Variants in NAALADL2 observed in about 807,000 individuals in gnomAD.
The protein encoded by NAALADL2 is N-acetylated alpha-linked acidic dipeptidase like 2, also known as inactive N-acetylated-alpha-linked acidic dipeptidase-like protein 2.
In NAALADL2, 76 loss-of-function variants were observed where a neutral mutation model predicts 87.2. The observed-to-expected ratio is 0.87, with a 90% CI of 0.72 to 1.05. The LOEUF is 1.05. Among genes scored for constraint, NAALADL2 ranks in the 50% least tolerant of loss-of-function variants. The pLI is 0.00. For missense variants in NAALADL2, 1,089 were observed against 945.8 expected (o/e 1.15, Z -1.99); for synonymous variants, 354 against 331.0 (o/e 1.07, Z -0.75).
At chr3:174,616,994 T>A (rs9865936) in intron 2 of NAALADL2, among the ~76,000 whole-genome samples, 67,696 of 151,416 alleles carry the variant, frequency 0.45, 15,876 homozygotes, top group East Asian at 0.81. Context: ...TTGGTCTTAA[T>A]ACCAAGGTTA....
chr3:174,759,730 T>TG (rs1423755302), intron 3 of NAALADL2, among the ~76,000 whole-genome samples: 1 of 151,904 alleles, frequency 6.6e-6, no homozygotes, highest in Non-Finnish European at 1.5e-5. Flanking sequence ...GATGGAGTCT[T>TG]GCTCTTGTTG....
chr3:174,634,892 G>T (rs531892236), intron 2 of NAALADL2, among the ~76,000 whole-genome samples: 93 of 152,210 alleles, frequency 6.1e-4, no homozygotes, highest in Non-Finnish European at 1.2e-3. Context: ...AGTTGTTATA[G>T]ATGTAAGCAG....
At chr3:174,449,323 G>T (rs1441140302) in intron 1 of NAALADL2, among the ~76,000 whole-genome samples, 1 of 151,814 alleles carries the variant, frequency 6.6e-6, no homozygotes, top group East Asian at 1.9e-4. Context: ...AGAATTGGAG[G>T]AAGAAAAAAC....
intron 10 of NAALADL2, among the ~76,000 whole-genome samples, chr3:175,604,122 C>G (rs1048070725): frequency 2.2e-4 from 33 of 152,114 alleles, no homozygotes; most frequent in African/African-American, 8.0e-4. Context: ...AACTTCCATA[C>G]TATTTTTAAT....
In NAALADL2 at chr3:175,639,567, A is replaced by G. The variant is rs570902963; in HGVS notation, c.1896+12181A>G. On this transcript the variant is annotated intron_variant, in intron 11 of 13. Coordinates refer to ENST00000454872, the MANE Select transcript of NAALADL2 (RefSeq NM_207015.3). ...GATCTCCTGACCTCGTGATCCGCCC[A>G]CCTCGGCCTCCCAAAGTGCTGGGAT... is the stretch of plus-strand genomic sequence containing the variant. 1.4e-4 allele frequency among the ~76,000 whole-genome samples: 21 copies of G among 151,948 alleles called. No homozygotes were observed. In the South Asian group the frequency reaches 2.1e-3, roughly 15 times the overall value.
At chr3:174,949,721 G>A (rs1740031390) in intron 1 of NAALADL2, among the ~76,000 whole-genome samples, 1 of 152,136 alleles carries the variant, frequency 6.6e-6, no homozygotes, top group Non-Finnish European at 1.5e-5. Context: ...TCAGTGTTCT[G>A]TCCTTTTAGG....
chr3:174,896,980 A>G (rs1241372633), intron 1 of NAALADL2, among the ~76,000 whole-genome samples: 1 of 152,164 alleles, frequency 6.6e-6, no homozygotes, highest in Non-Finnish European at 1.5e-5. Context: ...TATGCAAACA[A>G]ATGAAACTGT....
chr3:175,349,219 A>AAAG (rs1185493157), intron 5 of NAALADL2, among the ~76,000 whole-genome samples: 1 of 151,778 alleles, frequency 6.6e-6, no homozygotes. Context: ...AAAAAAAAAA[A>AAAG]AAAAGATGTC....
At chr3:175,577,810 T>C (rs966635970) in intron 10 of NAALADL2, among the ~76,000 whole-genome samples, 1 of 152,218 alleles carries the variant, frequency 6.6e-6, no homozygotes, top group Non-Finnish European at 1.5e-5. Flanking sequence ...AAATAATTTT[T>C]TTGAACTCTC....
chr3:175,144,290 C>T (rs1191322254), intron 2 of NAALADL2, among the ~76,000 whole-genome samples: 1 of 151,884 alleles, frequency 6.6e-6, no homozygotes, highest in Non-Finnish European at 1.5e-5. Flanking sequence ...AGCCATTGGG[C>T]ACGTTTCGGT....
chr3:175,427,357 A>G (rs943047904), intron 5 of NAALADL2, among the ~76,000 whole-genome samples: 1 of 152,188 alleles, frequency 6.6e-6, no homozygotes, highest in Non-Finnish European at 1.5e-5. Context: ...AAATCCCTAC[A>G]CTTATGGAAA....
At chr3:174,824,345 T>C (rs1319620669) in intron 3 of NAALADL2, among the ~76,000 whole-genome samples, 5 of 152,188 alleles carry the variant, frequency 3.3e-5, no homozygotes, top group Non-Finnish European at 5.9e-5. Context: ...TTGCTAACAA[T>C]AGAATGCGAC....
intron 2 of NAALADL2, among the ~76,000 whole-genome samples, chr3:174,728,545 G>A (rs1278180631): frequency 6.6e-6 from 1 of 152,020 alleles, no homozygotes; most frequent in Non-Finnish European, 1.5e-5. Context: ...ATTAGGGCAA[G>A]CATTTGAACC....
chr3:175,102,384 A>T (rs1202145269), intron 2 of NAALADL2, among the ~76,000 whole-genome samples: 2 of 152,176 alleles, frequency 1.3e-5, no homozygotes, highest in African/African-American at 4.8e-5. Flanking sequence ...TAGGCCAAAA[A>T]GAATGTTGAT....
At chr3:174,543,295 A>G (rs1430125414) in intron 1 of NAALADL2, among the ~76,000 whole-genome samples, 3 of 152,178 alleles carry the variant, frequency 2.0e-5, no homozygotes, top group African/African-American at 7.2e-5. Flanking sequence ...GTTATGCAGT[A>G]GATGAAGTCG....
intron 3 of NAALADL2, among the ~76,000 whole-genome samples, chr3:174,760,846 AGTT>A (rs1712841115): frequency 6.6e-6 from 1 of 152,220 alleles, no homozygotes; most frequent in Non-Finnish European, 1.5e-5. Flanking sequence ...CAATTACCTT[AGTT>A]GTTTCTTTCA....
chr3:175,189,779 A>T (rs1225464316), intron 2 of NAALADL2, among the ~76,000 whole-genome samples: 1 of 152,206 alleles, frequency 6.6e-6, no homozygotes. Context: ...AGAAAGAAAA[A>T]CAGCATTTGG....
chr3:175,475,305 T>A (rs1245572950), intron 9 of NAALADL2, among the ~76,000 whole-genome samples: 2 of 152,160 alleles, frequency 1.3e-5, no homozygotes, highest in South Asian at 4.1e-4. Flanking sequence ...AATGCCTTCA[T>A]GCAAAGTAGA....
intron 1 of NAALADL2, among the ~76,000 whole-genome samples, chr3:174,998,195 C>G (rs1395786193): frequency 6.6e-6 from 1 of 152,144 alleles, no homozygotes; most frequent in African/African-American, 2.4e-5. Context: ...TGTATGAATT[C>G]ATTTGATCCT....
Sources: allele counts gnomAD v4.1 joint callset (sites outside exome capture counted in the v4.1 genomes callset), GRCh38; gene constraint gnomAD v4.1.1; transcripts MANE v1.5; gene names NCBI Gene and HGNC (gene_info 2026-07-23, HGNC 2026-07-21).